The following NUDT19 variants were observed in gnomAD, a reference collection of about 807,000 sequenced individuals.
NUDT19 encodes nudix hydrolase 19.
Under a neutral mutation model 22.2 loss-of-function variants are expected in NUDT19, and 31 were observed. The observed-to-expected ratio is 1.40, with a 90% CI of 1.05 to 1.89. The LOEUF (loss-of-function observed/expected upper bound fraction) is 1.89, where lower values mean the gene tolerates loss of function less well. NUDT19 is among the 40% of genes most tolerant of loss of function. The probability of loss-of-function intolerance (pLI) is 0.00; values close to 1 mark genes in which losing one functional copy is unlikely to be tolerated. For synonymous variants in NUDT19, 325 were observed against 230.8 expected, an observed-to-expected ratio of 1.41 and a Z score of -3.70; for missense variants, 752 against 514.2, an observed-to-expected ratio of 1.46 and a Z score of -4.47.
At chr19:32,700,141 G>C (rs1031218149) in intron 1 of NUDT19, among the ~76,000 whole-genome samples, 2 of 152,366 alleles carry the variant, frequency 1.3e-5, no homozygotes, top group Admixed American at 6.5e-5. Context: ...GACCCGAGCG[G>C]GTTGCTGCTG....
At chr19:32,693,573 C>T (rs1250279044) in intron 1 of NUDT19, among the ~76,000 whole-genome samples, 1 of 152,212 alleles carries the variant, frequency 6.6e-6, no homozygotes, top group Non-Finnish European at 1.5e-5. Flanking sequence ...TTATTTGGCC[C>T]TGCCCATGTC....
intron 1 of NUDT19, among the ~76,000 whole-genome samples, chr19:32,703,204 T>C: frequency 6.6e-6 from 1 of 151,978 alleles, no homozygotes; most frequent in East Asian, 1.9e-4. Context: ...TTTCTCCGTG[T>C]TGGTCAGGCT....
At chr19:32,702,251 T>C (rs1236591662) in intron 1 of NUDT19, among the ~76,000 whole-genome samples, 1 of 152,150 alleles carries the variant, frequency 6.6e-6, no homozygotes, top group African/African-American at 2.4e-5. Context: ...CTTGCAGACA[T>C]CCCAGATAGA....
chr19:32,700,131 G>C (rs566556398), intron 1 of NUDT19, among the ~76,000 whole-genome samples: 3 of 152,238 alleles, frequency 2.0e-5, no homozygotes, highest in Non-Finnish European at 4.4e-5. Context: ...CATGGAAAGG[G>C]ACCCGAGCGG....
Position 32,713,371 on chromosome 19 carries a change from G to A in NUDT19, c.*1414G>A, listed in dbSNP as rs973981002. 2 of 151,396 alleles carry A rather than the reference G, an allele frequency of 1.3e-5. No individual in the cohort carries two copies. Among genetic ancestry groups the A allele is most frequent in the African/African-American group, 4.9e-5 (2 of 41,118 alleles). The allele number at this position is 151,396 out of a possible 1,614,324, so 9.4% of individuals were successfully genotyped here. A position where few individuals can be genotyped will look rare whatever the true frequency, so the allele number is the denominator to read the frequency against. On this transcript the variant is annotated 3_prime_UTR_variant, in exon 3 of 3. Coordinates refer to ENST00000397061, the MANE Select transcript of NUDT19 (RefSeq NM_001105570.2). ...AGACGGGGTTTCACCATGTTGGCCA[G>A]TCCGGTCTCGAACTTCTGACCTGAG...
intron 1 of NUDT19, among the ~76,000 whole-genome samples, chr19:32,693,646 C>T (rs978364008): frequency 2.0e-5 from 3 of 151,778 alleles, no homozygotes; most frequent in East Asian, 1.9e-4. Flanking sequence ...CGGATTGGTG[C>T]GTTTACAAAT....
intron 1 of NUDT19, among the ~76,000 whole-genome samples, chr19:32,708,951 G>C (rs1161076631): frequency 6.6e-6 from 1 of 152,140 alleles, no homozygotes; most frequent in African/African-American, 2.4e-5. Context: ...TCAGGGGTCT[G>C]CCCTGGTTTA....
chr19:32,697,965 C>T (rs965684020), intron 1 of NUDT19, among the ~76,000 whole-genome samples: 3 of 152,080 alleles, frequency 2.0e-5, no homozygotes, highest in African/African-American at 7.2e-5. Context: ...GGGAAGGGGG[C>T]GTTTGTGATC....
intron 1 of NUDT19, among the ~76,000 whole-genome samples, chr19:32,698,879 C>T (rs1336742300): frequency 1.3e-5 from 2 of 152,254 alleles, no homozygotes; most frequent in South Asian, 2.1e-4. Context: ...GTATTGGGAC[C>T]TTACCCATGT....
intron 1 of NUDT19, among the ~76,000 whole-genome samples, chr19:32,701,235 T>C (rs1049966274): frequency 2.8e-5 from 4 of 140,788 alleles, no homozygotes; most frequent in Non-Finnish European, 4.5e-5. Context: ...AAACAGAGTC[T>C]TGCTCTGTCA....
chr19:32,705,876 C>T (rs1968382463), intron 1 of NUDT19, among the ~76,000 whole-genome samples: 2 of 152,094 alleles, frequency 1.3e-5, no homozygotes, highest in Admixed American at 1.3e-4. Context: ...TGAGCCACTG[C>T]ACCTGGTCAT....
intron 1 of NUDT19, among the ~76,000 whole-genome samples, chr19:32,702,005 T>C (rs2145363040): frequency 6.6e-6 from 1 of 152,204 alleles, no homozygotes; most frequent in South Asian, 2.1e-4. Flanking sequence ...ACAAAAATTA[T>C]CCAGGTGTGC....
rs969762192 is a variant in NUDT19, at chr19:32,692,034, C to A, written c.74C>A (p.Ser25Ter). 1 of 1,265,596 alleles carries A rather than the reference C, an allele frequency of 7.9e-7. No homozygotes were observed. Among genetic ancestry groups the A allele is most frequent in the South Asian group, 3.1e-5 (1 of 32,752 alleles). The allele number at this position is 1,265,596 out of a possible 1,614,324, so 78.4% of individuals were successfully genotyped here. Residue 25 changes from serine (S) to a stop codon, truncating the protein, a stop_gained, in exon 1 of 3, where the codon TCG becomes TAG. Coordinates refer to ENST00000397061, the MANE Select transcript of NUDT19 (RefSeq NM_001105570.2). LOFTEE classifies it high-confidence loss of function. ...AGCATCGTCCTGGCGGCTGGCTGGT[C>A]GCGCCCGGAGACCGCCACCCCGCCG... ...AASIVLAAGW[S>*]RPETATPPSR...
At chr19:32,710,126 C>T (rs1399144783) in intron 2 of NUDT19, among the ~76,000 whole-genome samples, 4 of 151,864 alleles carry the variant, frequency 2.6e-5, no homozygotes, top group African/African-American at 4.8e-5. Flanking sequence ...ATACTTCTGC[C>T]TCAGCCTCCC....
At chr19:32,698,771 C>T (rs954355943) in intron 1 of NUDT19, among the ~76,000 whole-genome samples, 1 of 152,208 alleles carries the variant, frequency 6.6e-6, no homozygotes, top group Non-Finnish European at 1.5e-5. Context: ...CCTTTCCTGT[C>T]CTCCTAGACC....
chr19:32,706,938 A>C (rs1340219450), intron 1 of NUDT19, among the ~76,000 whole-genome samples: 1 of 152,166 alleles, frequency 6.6e-6, no homozygotes, highest in Admixed American at 6.5e-5. Context: ...TGAAAATCCC[A>C]GGCTCTGATT....
intron 1 of NUDT19, among the ~76,000 whole-genome samples, chr19:32,698,045 G>A (rs1369644549): frequency 6.6e-6 from 1 of 152,186 alleles, no homozygotes; most frequent in African/African-American, 2.4e-5. Flanking sequence ...TTAATAGGAA[G>A]GGGAGCTATA....
Position 32,706,242 on chromosome 19 carries a change from T to C in NUDT19, c.715-2943T>C, listed in dbSNP as rs558152214. On this transcript the variant is annotated intron_variant, in intron 1 of 2. Transcript: ENST00000397061. ...TACTCTGTAGGTCTTTCCTCTCAGG[T>C]ACAGCTTTATCCCTGGTTTCTCTTT... 2.0e-5 allele frequency among the ~76,000 whole-genome samples: 3 copies of C among 152,316 alleles called. No homozygotes were observed. The East Asian group carries it at 5.8e-4, about 29-fold the overall frequency.
intron 1 of NUDT19, among the ~76,000 whole-genome samples, chr19:32,696,041 C>T (rs1011662651): frequency 3.3e-5 from 5 of 152,148 alleles, no homozygotes; most frequent in South Asian, 2.1e-4. Context: ...GATTAGCTAA[C>T]GGGACTTCTA....
Sources: gnomAD v4.1 joint callset for allele counts (sites outside exome capture counted in the v4.1 genomes callset) on GRCh38, gnomAD v4.1.1 for gene constraint, MANE v1.5 for transcripts, NCBI Gene and HGNC (gene_info 2026-07-23, HGNC 2026-07-21) for gene names.